The following ARHGAP12 variants were observed in gnomAD, a reference collection of about 807,000 sequenced individuals.
ARHGAP12 encodes the protein Rho GTPase activating protein 12, also known as rho GTPase-activating protein 12.
Under a neutral mutation model 108.6 loss-of-function variants are expected in ARHGAP12, and 64 were observed. That is an observed-to-expected ratio of 0.59 (90% confidence interval 0.48 to 0.73). The LOEUF (loss-of-function observed/expected upper bound fraction) is 0.73, where lower values mean the gene tolerates loss of function less well. ARHGAP12 is among the 30% of genes least tolerant of loss of function. The probability of loss-of-function intolerance (pLI) is 0.00; values close to 1 mark genes in which losing one functional copy is unlikely to be tolerated. For synonymous variants in ARHGAP12, 312 were observed against 337.2 expected, an observed-to-expected ratio of 0.93 and a Z score of 0.82; for missense variants, 940 against 1,005.9, an observed-to-expected ratio of 0.93 and a Z score of 0.89.
chr10:31,894,432 C>T (rs1236651367), intron 3 of ARHGAP12, among the ~76,000 whole-genome samples: 1 of 152,034 alleles, frequency 6.6e-6, no homozygotes, highest in Non-Finnish European at 1.5e-5. Flanking sequence ...GCAAAAATCA[C>T]AAGCATTCTT....
intron 9 of ARHGAP12, among the ~76,000 whole-genome samples, chr10:31,837,448 G>C (rs1036239542): frequency 1.3e-5 from 2 of 152,196 alleles, no homozygotes; most frequent in East Asian, 1.9e-4. Flanking sequence ...ACCTGGTAGG[G>C]AGACTAGAAG....
At chr10:31,868,155 G>A (rs972798876) in intron 3 of ARHGAP12, among the ~76,000 whole-genome samples, 3 of 151,342 alleles carry the variant, frequency 2.0e-5, no homozygotes, top group East Asian at 1.9e-4. Flanking sequence ...CCAAGATGGC[G>A]CCAGTGCACT....
Position 31,861,620 on chromosome 10 carries a change from A to G in ARHGAP12, c.723T>C (p.Pro241=). 1 of 1,611,456 alleles carries G rather than the reference A, an allele frequency of 6.2e-7. No individual in the cohort carries two copies. ...TPPNQGRPDS[P]VYANLQELKI... is the part of the protein sequence containing the mutation. ...TCAGTTCTTGAAGGTTAGCATAGAC[A>G]GGAGAATCTGGCCTTCCTTGATTTG... The change falls in exon 4 of 20, where the codon CCT becomes CCC. Residue 241 remains proline, a synonymous_variant. Coordinates refer to ENST00000344936, the MANE Select transcript of ARHGAP12 (RefSeq NM_018287.7).
intron 10 of ARHGAP12, 23 bp from the exon 11 acceptor site, chr10:31,826,408 T>C (rs1835609520): frequency 1.3e-6 from 2 of 1,590,016 alleles, no homozygotes; most frequent in Admixed American, 1.7e-5. Context: ...AGATGACCGA[T>C]TAAAGCTCCA....
chr10:31,826,503 C>A, intron 10 of ARHGAP12, 118 bp from the exon 11 acceptor site: 1 of 737,716 alleles, frequency 1.4e-6, no homozygotes, highest in Non-Finnish European at 2.2e-6. Context: ...GCCTTGTTGA[C>A]ATTTTAATTG....
chr10:31,908,872 C>A lies in ARHGAP12; in HGVS notation c.-17G>T, dbSNP rs764386693. The A allele has an allele frequency of 1.3e-6, 2 of 1,559,570 alleles. No individual in the cohort carries two copies. Among genetic ancestry groups the A allele is most frequent in the Admixed American group, 3.6e-5 (2 of 55,022 alleles). On this transcript the variant is annotated 5_prime_UTR_variant, in exon 3 of 20. Coordinates refer to ENST00000344936, the MANE Select transcript of ARHGAP12 (RefSeq NM_018287.7). Reference sequence around the variant, plus strand: ...CATTTTCATTCAATAATATTCACCTCTCAAAAAGGATGTTATACCACATTA... The same window carrying A: ...CATTTTCATTCAATAATATTCACCTATCAAAAAGGATGTTATACCACATTA...
chr10:31,882,452 ATAAACTTTTATGTTAC>A (rs1838009611), intron 3 of ARHGAP12, among the ~76,000 whole-genome samples: 1 of 152,224 alleles, frequency 6.6e-6, no homozygotes. Context: ...GAAAGGGCCA[ATAAACTTTTATGTTAC>A]TTTGCTAATG....
intron 3 of ARHGAP12, among the ~76,000 whole-genome samples, chr10:31,887,673 T>TTGAGATGGAG (rs1407232171): frequency 6.6e-6 from 1 of 151,076 alleles, no homozygotes; most frequent in African/African-American, 2.4e-5. Context: ...TTTTTTTTTT[T>TTGAGATGGAG]TTGAGATGGA....
At chr10:31,922,995 G>T (rs550748873) in intron 1 of ARHGAP12, among the ~76,000 whole-genome samples, 1 of 152,164 alleles carries the variant, frequency 6.6e-6, no homozygotes, top group South Asian at 2.1e-4. Context: ...GCTGGGCATG[G>T]TGCCACACAC....
intron 1 of ARHGAP12, among the ~76,000 whole-genome samples, chr10:31,928,204 C>G (rs901356876): frequency 9.3e-5 from 14 of 151,306 alleles, no homozygotes; most frequent in Non-Finnish European, 1.3e-4. Flanking sequence ...ACACACCCGC[C>G]TTTTGCAGAC....
chr10:31,840,019 A>G (rs1469814276), intron 7 of ARHGAP12, among the ~76,000 whole-genome samples: 2 of 152,140 alleles, frequency 1.3e-5, no homozygotes, highest in Non-Finnish European at 2.9e-5. Flanking sequence ...TAACCATATT[A>G]AAATAAGTAA....
At chr10:31,820,313 C>T in intron 12 of ARHGAP12, 74 bp downstream of exon 12, 2 of 1,235,408 alleles carry the variant, frequency 1.6e-6, no homozygotes, top group Non-Finnish European at 2.2e-6. Context: ...GACTATTTCC[C>T]AAAATAGCTC....
intron 6 of ARHGAP12, among the ~76,000 whole-genome samples, chr10:31,849,755 T>C (rs1836601099): frequency 1.3e-5 from 2 of 152,196 alleles, no homozygotes; most frequent in African/African-American, 2.4e-5. Context: ...GAAAATGAAA[T>C]AGTATCACAA....
intron 3 of ARHGAP12, among the ~76,000 whole-genome samples, chr10:31,900,529 G>A (rs1234044776): frequency 6.6e-6 from 1 of 152,148 alleles, no homozygotes; most frequent in Non-Finnish European, 1.5e-5. Flanking sequence ...AAAGAAATGA[G>A]CTGTCAGGCC....
intron 1 of ARHGAP12, among the ~76,000 whole-genome samples, chr10:31,910,932 T>A (rs1335849189): frequency 6.6e-6 from 1 of 152,226 alleles, no homozygotes; most frequent in Non-Finnish European, 1.5e-5. Flanking sequence ...ATGTATTGAA[T>A]GGGTAAAGAG....
At chr10:31,820,335 C>A in intron 12 of ARHGAP12, 52 bp downstream of exon 12, 1 of 1,413,054 alleles carries the variant, frequency 7.1e-7, no homozygotes, top group Non-Finnish European at 9.7e-7. Flanking sequence ...AAAAACAGAA[C>A]ATCCAATTAC....
At chr10:31,846,005 A>G (rs1592282208) in intron 6 of ARHGAP12, among the ~76,000 whole-genome samples, 1 of 152,054 alleles carries the variant, frequency 6.6e-6, no homozygotes, top group Non-Finnish European at 1.5e-5. Flanking sequence ...AATTTTTACT[A>G]TTATATTTTA....
intron 3 of ARHGAP12, among the ~76,000 whole-genome samples, chr10:31,881,967 T>G (rs1271230225): frequency 6.7e-6 from 1 of 148,780 alleles, no homozygotes; most frequent in African/African-American, 2.5e-5. Context: ...CAGGCTGGAG[T>G]GCAGTGGCTG....
intron 10 of ARHGAP12, among the ~76,000 whole-genome samples, chr10:31,830,927 G>A (rs923479700): frequency 2.0e-5 from 3 of 152,200 alleles, no homozygotes; most frequent in South Asian, 2.1e-4. Context: ...AGGAATGCAC[G>A]GCTCCTGGAG....
Sources: gnomAD v4.1 joint callset for allele counts (sites outside exome capture counted in the v4.1 genomes callset) on GRCh38, gnomAD v4.1.1 for gene constraint, MANE v1.5 for transcripts, NCBI Gene and HGNC (gene_info 2026-07-23, HGNC 2026-07-21) for gene names.